AGAP1: variants seen among roughly 807,000 people sequenced by gnomAD.
AGAP1 encodes arf-GAP with GTPase, ANK repeat and PH domain-containing protein 1.
In AGAP1, 29 loss-of-function variants were observed where a neutral mutation model predicts 105.3. The ratio of observed to expected loss-of-function variants is 0.28; its 90% CI spans 0.21 to 0.38. The LOEUF (loss-of-function observed/expected upper bound fraction) is 0.38, where lower values mean the gene tolerates loss of function less well. AGAP1 is among the 10% of genes least tolerant of loss of function. The pLI is 1.00. For missense variants in AGAP1, 998 were observed against 1,165.1 expected (o/e 0.86, Z 2.09); for synonymous variants, 509 against 485.9 (o/e 1.05, Z -0.63).
rs948834095 is a variant in AGAP1, at chr2:236,012,972, T to A, written c.1646-23589T>A. 6.6e-6 allele frequency among the ~76,000 whole-genome samples: 1 copy of A among 152,062 alleles called. No homozygotes were observed. The highest frequency in any genetic ancestry group is 1.5e-5 in the Non-Finnish European group (1 of 68,020). Reference sequence around the variant, plus strand: ...ATGTTGGCCAGGCTGGTTTCGAACTTCTGTCCTCAAGTGATCCGCCCACCT... The same window carrying A: ...ATGTTGGCCAGGCTGGTTTCGAACTACTGTCCTCAAGTGATCCGCCCACCT... On this transcript the variant is annotated intron_variant, in intron 13 of 17. Transcript: ENST00000304032. This position sits in a 1 kb window ranked among gnomAD's most constrained non-coding sequence, Gnocchi z 4.9.
intron 1 of AGAP1, chr2:235,670,825 C>T: frequency 7.1e-7 from 1 of 1,416,888 alleles, no homozygotes; most frequent in Non-Finnish European, 9.3e-7. Context: ...TGGACAACAG[C>T]GACCTGCAGC....
Position 235,551,990 on chromosome 2 carries a change from A to G in AGAP1, c.163+57141A>G, listed in dbSNP as rs780200941. Among the ~76,000 whole-genome samples the G allele has an allele frequency of 2.0e-5, 3 of 151,806 alleles. No homozygotes were observed. Among genetic ancestry groups the G allele is most frequent in the Admixed American group, 6.6e-5 (1 of 15,238 alleles). Reference sequence around the variant, plus strand: ...GAAGTTCACAAGATTTCTTGAAAGAACTCTAGTTGGAGTTGTAGAGCTAAT... The same window carrying G: ...GAAGTTCACAAGATTTCTTGAAAGAGCTCTAGTTGGAGTTGTAGAGCTAAT... On this transcript the variant is annotated intron_variant, in intron 1 of 17. Transcript: ENST00000304032. This position sits in a 1 kb window ranked among gnomAD's most constrained non-coding sequence, Gnocchi z 4.8.
At position 235,535,748 on chromosome 2, in the gene AGAP1, T is replaced by C. The variant is rs1328444822; in HGVS notation, c.163+40899T>C. Among the ~76,000 whole-genome samples, 1 of 152,124 alleles carries C rather than the reference T, an allele frequency of 6.6e-6. No individual in the cohort carries two copies. Among genetic ancestry groups the C allele is most frequent in the Admixed American group, 6.6e-5 (1 of 15,264 alleles). On this transcript the variant is annotated intron_variant, in intron 1 of 17. Transcript: ENST00000304032. The surrounding 1 kb of genome is among the most constrained non-coding windows in gnomAD (Gnocchi z 5.1). ...GCCTTTCACAAAACTTGTATTTTCATGCCTAATAAGTGAGCGTGTGACATG... is the reference window on the plus strand; with the variant it reads ...GCCTTTCACAAAACTTGTATTTTCACGCCTAATAAGTGAGCGTGTGACATG...
At chr2:235,858,278 T>TA (rs2048769253) in intron 9 of AGAP1, among the ~76,000 whole-genome samples, 1 of 152,228 alleles carries the variant, frequency 6.6e-6, no homozygotes, top group Non-Finnish European at 1.5e-5. Flanking sequence ...TAGCGTTAGT[T>TA]AAAAAATGTA....
In AGAP1 at chr2:235,551,081, G is replaced by A. The variant is rs553184943; in HGVS notation, c.163+56232G>A. 1.4e-4 allele frequency among the ~76,000 whole-genome samples: 22 copies of A among 152,264 alleles called. No homozygotes were observed. The East Asian group carries it at 4.1e-3, about 28-fold the overall frequency. ...GAGCCACCGCGCTCGGCCATAGATA[G>A]TGTTTCTTAAGAGTGAGTTTGCTTC... On this transcript the variant is annotated intron_variant, in intron 1 of 17. Coordinates refer to ENST00000304032, the MANE Select transcript of AGAP1 (RefSeq NM_001037131.3). This position sits in a 1 kb window ranked among gnomAD's most constrained non-coding sequence, Gnocchi z 4.8.
Position 235,557,201 on chromosome 2 carries a change from T to C in AGAP1, c.163+62352T>C, listed in dbSNP as rs1318616420. ...AACCACCATTCATGATCCTGGGAGG[T>C]GAAGCCCTGGGAACTGCCACTTGGA... On this transcript the variant is annotated intron_variant, in intron 1 of 17. Coordinates refer to ENST00000304032, the MANE Select transcript of AGAP1 (RefSeq NM_001037131.3). The surrounding 1 kb of genome is among the most constrained non-coding windows in gnomAD (Gnocchi z 4.7). 1.3e-5 allele frequency among the ~76,000 whole-genome samples: 2 copies of C among 151,674 alleles called. No individual in the cohort carries two copies. The highest frequency in any genetic ancestry group is 2.9e-5 in the Non-Finnish European group (2 of 67,932).
chr2:235,564,392 C>T (rs911814288), intron 1 of AGAP1, among the ~76,000 whole-genome samples: 6 of 152,158 alleles, frequency 3.9e-5, no homozygotes, highest in East Asian at 1.9e-4. Flanking sequence ...CAGGTGCCTT[C>T]GGTGGGGGAA....
At chr2:235,807,203 C>T in intron 8 of AGAP1, 36 bp from the exon 9 acceptor site, 2 of 1,598,708 alleles carry the variant, frequency 1.3e-6, no homozygotes, top group Non-Finnish European at 1.7e-6. Context: ...GAACCACAGC[C>T]CTTACCCAGA....
chr2:235,974,075 G>A (rs184309291), intron 13 of AGAP1, among the ~76,000 whole-genome samples: 5 of 152,290 alleles, frequency 3.3e-5, no homozygotes, highest in Non-Finnish European at 5.9e-5. Context: ...GGTGGTTCTC[G>A]TTAGTTTTAT....
rs34531445 is a variant in AGAP1 at position 235,984,493 on chromosome 2, TA to T, written c.1645+15885del. Among the ~76,000 whole-genome samples, 798 of 139,230 alleles carry T rather than the reference TA, an allele frequency of 5.7e-3. 3 individuals are homozygous for T. Among genetic ancestry groups the T allele is most frequent in the East Asian group, 0.017 (81 of 4,824 alleles). The allele number at this position is 139,230 out of a possible 152,430, so 91.3% of individuals were successfully genotyped here. On this transcript the variant is annotated intron_variant, in intron 13 of 17. Coordinates refer to ENST00000304032, the MANE Select transcript of AGAP1 (RefSeq NM_001037131.3). Reference sequence around the variant, plus strand: ...TTCTTTTTTTTTTTCCTTTATTTCTTAAAAAAAAAAAAAAATAGATGCGCAG... The same window carrying T: ...TTCTTTTTTTTTTTCCTTTATTTCTTAAAAAAAAAAAAAATAGATGCGCAG...
At chr2:235,677,264 A>G (rs141007963) in intron 1 of AGAP1, among the ~76,000 whole-genome samples, 3 of 152,312 alleles carry the variant, frequency 2.0e-5, no homozygotes, top group African/African-American at 7.2e-5. Flanking sequence ...CATCACTAAC[A>G]GCTCTAAAGA....
chr2:235,640,696 T>G (rs116815962), intron 1 of AGAP1, among the ~76,000 whole-genome samples: 1 of 152,166 alleles, frequency 6.6e-6, no homozygotes, highest in African/African-American at 2.4e-5. Flanking sequence ...CCATTTTTAT[T>G]CCCCTGTCTT....
rs1354662976 is a variant in AGAP1 at position 235,720,366 on chromosome 2, G to A, written c.310+2722G>A. Among the ~76,000 whole-genome samples the A allele has an allele frequency of 6.6e-6, 1 of 152,154 alleles. No individual in the cohort carries two copies. Among genetic ancestry groups the A allele is most frequent in the Non-Finnish European group, 1.5e-5 (1 of 68,034 alleles). On this transcript the variant is annotated intron_variant, in intron 3 of 17. Transcript: ENST00000304032. The surrounding 1 kb of genome is among the most constrained non-coding windows in gnomAD (Gnocchi z 5.0). The stretch of plus-strand genomic sequence containing the variant: ...ACCTGGGTGTGTGGAGACTATCAAA[G>A]GGATGTGTTGTCCTCGGGGAGTGCT...
rs1221555325 is a variant in AGAP1, at chr2:235,611,425, T to G, written c.164-97754T>G. Among the ~76,000 whole-genome samples the G allele has an allele frequency of 6.6e-6, 1 of 152,250 alleles. No individual in the cohort carries two copies. Among genetic ancestry groups the G allele is most frequent in the African/African-American group, 2.4e-5 (1 of 41,466 alleles). On this transcript the variant is annotated intron_variant, in intron 1 of 17. Coordinates refer to ENST00000304032, the MANE Select transcript of AGAP1 (RefSeq NM_001037131.3). The surrounding 1 kb of genome is among the most constrained non-coding windows in gnomAD (Gnocchi z 5.0). ...TCATATTTTCATAATGAATAGTTAT[T>G]GTGAAGGAGCTGATTTTTGGAGGAG... is the stretch of plus-strand genomic sequence containing the variant.
At chr2:235,974,804 T>C (rs1343173395) in intron 13 of AGAP1, among the ~76,000 whole-genome samples, 1 of 152,252 alleles carries the variant, frequency 6.6e-6, no homozygotes, top group Non-Finnish European at 1.5e-5. Context: ...CATTTTATTC[T>C]TTCATCAAAT....
At position 236,035,146 on chromosome 2, in the gene AGAP1, C is replaced by G. The variant is rs1206752961; in HGVS notation, c.1646-1415C>G. ...CCAAGAGTCTGGAAGATCAGAGGTC[C>G]GTGCAGTAGACATGAGCCAGCCCAA... On this transcript the variant is annotated intron_variant, in intron 13 of 17. Coordinates refer to ENST00000304032, the MANE Select transcript of AGAP1 (RefSeq NM_001037131.3). The surrounding 1 kb of genome is among the most constrained non-coding windows in gnomAD (Gnocchi z 4.2). 6.6e-6 allele frequency among the ~76,000 whole-genome samples: 1 copy of G among 152,078 alleles called. No homozygotes were observed. The highest frequency in any genetic ancestry group is 1.5e-5 in the Non-Finnish European group (1 of 68,032).
chr2:235,991,867 C>T (rs1021045972), intron 13 of AGAP1, among the ~76,000 whole-genome samples: 1 of 152,154 alleles, frequency 6.6e-6, no homozygotes, highest in Non-Finnish European at 1.5e-5. Flanking sequence ...CTCTGATTTT[C>T]TCTTGTAATG....
In AGAP1 at chr2:236,012,846, T is replaced by C. The variant is rs1373725837; in HGVS notation, c.1646-23715T>C. On this transcript the variant is annotated intron_variant, in intron 13 of 17. Coordinates refer to ENST00000304032, the MANE Select transcript of AGAP1 (RefSeq NM_001037131.3). The surrounding 1 kb of genome is among the most constrained non-coding windows in gnomAD (Gnocchi z 4.9). ...CAGGCTGGAGTGCAGTGGTACGATC[T>C]CAGCTCACTGCAACCTCCGCCTCCA... Among the ~76,000 whole-genome samples the C allele has an allele frequency of 1.3e-5, 2 of 152,094 alleles. No homozygotes were observed. Among genetic ancestry groups the C allele is most frequent in the Non-Finnish European group, 2.9e-5 (2 of 68,032 alleles).
Position 236,098,620 on chromosome 2 carries a change from C to CTTTTTTTTTTTTTTTTTTTTTT in AGAP1, c.2115-21553_2115-21552insTTTTTTTTTTTTTTTTTTTTTT, listed in dbSNP as rs34419216. On this transcript the variant is annotated intron_variant, in intron 16 of 17. Transcript: ENST00000304032. ...GCTGACTTGATGAAATCTTTTTTTC[C>CTTTTTTTTTTTTTTTTTTTTTT]TTTTTTTTTTTTTTTTTTTAGAGAA... Among the ~76,000 whole-genome samples, 275 of 115,210 alleles carry CTTTTTTTTTTTTTTTTTTTTTT rather than the reference C, an allele frequency of 2.4e-3. 30 individuals are homozygous for CTTTTTTTTTTTTTTTTTTTTTT. The highest frequency in any genetic ancestry group is 8.3e-3 in the African/African-American group (213 of 25,768). 75.6% of individuals were successfully genotyped at this position (115,210 alleles called of 152,430 possible). A position where few individuals can be genotyped will look rare whatever the true frequency, so the allele number is the denominator to read the frequency against.
Sources: allele counts gnomAD v4.1 joint callset (sites outside exome capture counted in the v4.1 genomes callset), GRCh38; gene constraint gnomAD v4.1.1; non-coding constraint Gnocchi (gnomAD v3.1); transcripts MANE v1.5; gene names NCBI Gene and HGNC (gene_info 2026-07-23, HGNC 2026-07-21).